Variants in PANX2 observed in about 807,000 individuals in gnomAD.
PANX2 encodes the protein pannexin-2.
In PANX2, 30 loss-of-function variants were observed where a neutral mutation model predicts 38.7. The observed-to-expected ratio is 0.78, with a 90% confidence interval of 0.58 to 1.05. The LOEUF (loss-of-function observed/expected upper bound fraction) is 1.05. Ranked by LOEUF, PANX2 falls within the 50% of genes least tolerant of loss-of-function variation. PANX2 has a pLI of 0.00. For synonymous variants in PANX2, 539 were observed against 472.1 expected (o/e 1.14, Z -1.84); for missense variants, 880 against 979.3 (o/e 0.90, Z 1.35).
At chr22:50,178,515 C>A in intron 2 of PANX2, 113 bp downstream of exon 2, 1 of 667,412 alleles carries the variant, frequency 1.5e-6, no homozygotes, top group Non-Finnish European at 2.3e-6. Context: ...GGGGGCCTGG[C>A]TTGAGGCCCC....
In PANX2 at chr22:50,173,768, C is replaced by T. The variant is rs572634807; in HGVS notation, c.226+2812C>T. Among the ~76,000 whole-genome samples, 398 of 152,352 alleles carry T rather than the reference C, an allele frequency of 2.6e-3. 4 individuals are homozygous for T. Among genetic ancestry groups the T allele is most frequent in the Middle Eastern group, 3.4e-3 (1 of 294 alleles). On this transcript the variant is annotated intron_variant, in intron 1 of 2. Coordinates refer to ENST00000395842, the MANE Select transcript of PANX2 (RefSeq NM_052839.4). ...TTCTGCCTTCTCCGGCCTCCAGAGG[C>T]CTCCACATTCCTGGCCTTGCAGCCC...
chr22:50,177,118 T>G lies in PANX2; in HGVS notation c.406T>G (p.Tyr136Asp). ...GCTGCTGGCCTTCGCCGCCATCATG[T>G]ACGTGCCCGCGCTGGGCTGGGAGTT... is the stretch of plus-strand genomic sequence containing the variant. ...YALLAFAAIM[Y>D]VPALGWEFLA... is the part of the protein sequence containing the mutation. Residue 136 changes from tyrosine to aspartate, a missense_variant, in exon 2 of 3, where the codon TAC becomes GAC. Tyr to Asp is a radical substitution (Grantham distance 160). This residue lies in a region of PANX2 where 243 missense variants were observed against 333.1 expected (regional missense o/e 0.73). Coordinates refer to ENST00000395842, the MANE Select transcript of PANX2 (RefSeq NM_052839.4). 6.2e-7 allele frequency: 1 copy of G among 1,609,964 alleles called. No individual in the cohort carries two copies. The highest frequency in any genetic ancestry group is 8.5e-7 in the Non-Finnish European group (1 of 1,178,614).
rs371128468 is a variant in PANX2 at position 50,179,142 on chromosome 22, G to A, written c.1899G>A (p.Glu633=). ...TGCTGCACATCAACACGCTGTACGA[G>A]GCCCGGGAGGAGGAGGACGGGGGCC... The part of the protein sequence containing the change: ...HPLLHINTLY[E]AREEEDGGPR... Residue 633 remains glutamate (E), a synonymous_variant, in exon 3 of 3, where the codon GAG becomes GAA. Coordinates refer to ENST00000395842, the MANE Select transcript of PANX2 (RefSeq NM_052839.4). The A allele has an allele frequency of 1.2e-6, 2 of 1,612,180 alleles. No homozygotes were observed. Among genetic ancestry groups the A allele is most frequent in the Non-Finnish European group, 8.5e-7 (1 of 1,179,714 alleles).
intron 2 of PANX2, 41 bp from the exon 3 acceptor site, chr22:50,178,892 CG>C (rs1569069332): frequency 3.4e-6 from 5 of 1,491,952 alleles, no homozygotes; most frequent in East Asian, 2.3e-5. Context: ...GGCGGCGCAG[CG>C]GAGGATGGTG....
At position 50,170,734 on chromosome 22, in the gene PANX2, C is replaced by A; in HGVS notation, c.4C>A (p.His2Asn). The change falls in exon 1 of 3, where the codon CAC becomes AAC. Residue 2 changes from histidine (H) to asparagine (N), a missense_variant. By Grantham distance (68) the His-to-Asn change is moderately conservative. This residue lies in a region of PANX2 where 243 missense variants were observed against 333.1 expected (regional missense o/e 0.73). Coordinates refer to ENST00000395842, the MANE Select transcript of PANX2 (RefSeq NM_052839.4). The part of the protein sequence containing the change: M[H>N]HLLEQSADMA... ...CGGGCCGCGCCCCCCGCCCCCCATG[C>A]ACCACCTCCTGGAGCAGTCGGCGGA... 2 of 1,202,612 alleles carry A rather than the reference C, an allele frequency of 1.7e-6. No homozygotes were observed. The highest frequency in any genetic ancestry group is 2.1e-6 in the Non-Finnish European group (2 of 964,576). 74.5% of individuals were successfully genotyped at this position (1,202,612 alleles called of 1,614,324 possible).
intron 2 of PANX2, among the ~76,000 whole-genome samples, chr22:50,178,620 A>AC (rs1208882517): frequency 7.2e-5 from 11 of 151,742 alleles, no homozygotes; most frequent in South Asian, 2.1e-4. Flanking sequence ...GGCCCTGGAG[A>AC]CCCCCCCGGG....
chr22:50,178,907 G>GATGTCT (rs2063681247), intron 2 of PANX2, 27 bp from the exon 3 acceptor site: 4 of 1,528,518 alleles, frequency 2.6e-6, no homozygotes, highest in Non-Finnish European at 3.5e-6. Flanking sequence ...GATGGTGTGA[G>GATGTCT]ATGTCTGTGC....
intron 1 of PANX2, 118 bp from the exon 2 acceptor site, chr22:50,176,821 G>T: frequency 9.1e-7 from 1 of 1,096,672 alleles, no homozygotes; most frequent in Non-Finnish European, 1.3e-6. Context: ...CTGTGTGGGA[G>T]GAGGCTGGAG....
rs1394445390 is a variant in PANX2 at position 50,177,264 on chromosome 22, C to A, written c.552C>A (p.Gly184=). The A allele has an allele frequency of 1.2e-6, 2 of 1,612,314 alleles. No homozygotes were observed. The highest frequency in any genetic ancestry group is 1.7e-6 in the Non-Finnish European group (2 of 1,179,760). Reference sequence around the variant, plus strand: ...TCGAGAAGCAGATCCAGTCCAAGGGCCCGGGCATCACGGAGCGCGAGAAGC... The same window carrying A: ...TCGAGAAGCAGATCCAGTCCAAGGGACCGGGCATCACGGAGCGCGAGAAGC... ...PKIEKQIQSK[G]PGITEREKRE... The change falls in exon 2 of 3, where the codon GGC becomes GGA. Residue 184 remains glycine, a synonymous_variant. Coordinates refer to ENST00000395842, the MANE Select transcript of PANX2 (RefSeq NM_052839.4).
At chr22:50,173,562 T>C (rs1205084122) in intron 1 of PANX2, among the ~76,000 whole-genome samples, 1 of 152,190 alleles carries the variant, frequency 6.6e-6, no homozygotes, top group Non-Finnish European at 1.5e-5. Flanking sequence ...CAAGGTGGGC[T>C]GGGGAAGGGT....
At position 50,177,503 on chromosome 22, in the gene PANX2, C is replaced by T. The variant is rs1399470973; in HGVS notation, c.791C>T (p.Ser264Phe). ...QNEFTCALGA[S>F]PDGAAGAGPA... ...GAGTTCACCTGCGCGCTGGGCGCGT[C>T]CCCGGACGGGGCGGCAGGTGCGGGG... Residue 264 changes from serine (S) to phenylalanine (F), a missense_variant, in exon 2 of 3, where the codon TCC becomes TTC. Ser to Phe is a radical substitution (Grantham distance 155, BLOSUM62 -2). Coordinates refer to ENST00000395842, the MANE Select transcript of PANX2 (RefSeq NM_052839.4). 15 of 1,609,284 alleles carry T rather than the reference C, an allele frequency of 9.3e-6. No homozygotes were observed. The highest frequency in any genetic ancestry group is 1.6e-4 in the Middle Eastern group (1 of 6,074).
chr22:50,178,191 C>G lies in PANX2; in HGVS notation c.1479C>G (p.Pro493=). 2.1e-6 allele frequency: 3 copies of G among 1,462,852 alleles called. No individual in the cohort carries two copies. Among genetic ancestry groups the G allele is most frequent in the Non-Finnish European group, 9.0e-7 (1 of 1,115,806 alleles). The allele number at this position is 1,462,852 out of a possible 1,614,324, so 90.6% of individuals were successfully genotyped here. A position where few individuals can be genotyped will look rare whatever the true frequency, so the allele number is the denominator to read the frequency against. Reference sequence around the variant, plus strand: ...AGGGCGGAGGGGGCGACCCGGGCCCCGGCCCCGCCCCTGCCCCCGCCCCGC... The same window carrying G: ...AGGGCGGAGGGGGCGACCCGGGCCCGGGCCCCGCCCCTGCCCCCGCCCCGC... ...HYKGGGGDPG[P]GPAPAPAPPP... Residue 493 remains proline (P), a synonymous_variant, in exon 2 of 3, where the codon CCC becomes CCG. Coordinates refer to ENST00000395842, the MANE Select transcript of PANX2 (RefSeq NM_052839.4).
intron 1 of PANX2, among the ~76,000 whole-genome samples, chr22:50,174,959 C>T (rs780169360): frequency 1.4e-4 from 22 of 152,188 alleles, no homozygotes; most frequent in Admixed American, 5.9e-4. Flanking sequence ...GCAGGTGCAG[C>T]GGGTCCAGGG....
intron 1 of PANX2, among the ~76,000 whole-genome samples, chr22:50,172,948 G>A (rs2063640989): frequency 1.4e-5 from 2 of 145,188 alleles, no homozygotes; most frequent in African/African-American, 2.6e-5. Flanking sequence ...CCAGGCTGGA[G>A]TATAGTGGCG....
chr22:50,177,452 C>A lies in PANX2; in HGVS notation c.740C>A (p.Thr247Asn). ...LSAVPISYLC[T>N]YYATQKQNEF... ...GCCGTGCCCATCTCCTACCTGTGCACCTACTACGCCACGCAGAAGCAGAAC... is the reference window on the plus strand; with the variant it reads ...GCCGTGCCCATCTCCTACCTGTGCAACTACTACGCCACGCAGAAGCAGAAC... The change falls in exon 2 of 3, where the codon ACC becomes AAC. Residue 247 changes from threonine (T) to asparagine (N), a missense_variant. Thr to Asn is a moderately conservative substitution (Grantham distance 65). Around this residue, in one of 4 missense-constraint regions of PANX2, gnomAD observed 114 missense variants for 108.8 expected, o/e 1.05. Transcript: ENST00000395842. 1 of 1,608,740 alleles carries A rather than the reference C, an allele frequency of 6.2e-7. No homozygotes were observed.
At chr22:50,178,833 G>T in intron 2 of PANX2, 101 bp from the exon 3 acceptor site, 1 of 1,067,446 alleles carries the variant, frequency 9.4e-7, no homozygotes, top group Non-Finnish European at 1.3e-6. Context: ...GGGCGCTTCA[G>T]AGCCGTGAGC....
intron 1 of PANX2, among the ~76,000 whole-genome samples, chr22:50,172,717 AC>A (rs1035432487): frequency 7.8e-6 from 1 of 128,992 alleles, no homozygotes; most frequent in African/African-American, 3.0e-5. Flanking sequence ...CTTCTTCACC[AC>A]CCCCCCGCTT....
intron 1 of PANX2, among the ~76,000 whole-genome samples, chr22:50,171,417 G>C (rs1415551336): frequency 2.6e-5 from 4 of 152,218 alleles, no homozygotes; most frequent in Non-Finnish European, 5.9e-5. Context: ...GGAGGGCAGA[G>C]AGAGTCTCTG....
Position 50,178,395 on chromosome 22 carries a change from C to G in PANX2, c.1683C>G (p.Pro561=). The G allele has an allele frequency of 7.1e-7, 1 of 1,417,486 alleles. No individual in the cohort carries two copies. The highest frequency in any genetic ancestry group is 9.2e-7 in the Non-Finnish European group (1 of 1,091,788). The allele number at this position is 1,417,486 out of a possible 1,614,324, so 87.8% of individuals were successfully genotyped here. ...EDCGLGLAPA[P]IKDAPLPEKE... ...GTGGGCTAGGCCTGGCCCCGGCGCC[C>G]ATCAAAGGTAGGGGCAGGGCCGGAG... The change falls in exon 2 of 3, where the codon CCC becomes CCG. Residue 561 remains proline, a synonymous_variant. Transcript: ENST00000395842.
Sources: allele counts gnomAD v4.1 joint callset (sites outside exome capture counted in the v4.1 genomes callset), GRCh38; gene constraint gnomAD v4.1.1; regional missense constraint gnomAD v4.1.1; transcripts MANE v1.5; gene names NCBI Gene and HGNC (gene_info 2026-07-23, HGNC 2026-07-21).